Variants in MICU1 observed in about 807,000 individuals in gnomAD.
MICU1 encodes calcium uptake protein 1, mitochondrial.
In MICU1, 45 loss-of-function variants were observed where a neutral mutation model predicts 56.8. The ratio of observed to expected loss-of-function variants is 0.79; its 90% CI spans 0.62 to 1.02. MICU1 has a LOEUF of 1.02. Ranked by LOEUF, MICU1 falls within the 50% of genes least tolerant of loss-of-function variation. The pLI is 0.00. For synonymous variants in MICU1, 186 were observed against 195.1 expected, an observed-to-expected ratio of 0.95 and a Z score of 0.39; for missense variants, 504 against 587.1, an observed-to-expected ratio of 0.86 and a Z score of 1.46.
intron 9 of MICU1, among the ~76,000 whole-genome samples, chr10:72,421,203 A>ATC (rs1258090312): frequency 6.6e-6 from 1 of 151,032 alleles, no homozygotes; most frequent in East Asian, 1.9e-4. Context: ...CTGTTTGTTC[A>ATC]TCTCTCTCTC....
chr10:72,394,963 G>A (rs12767341), intron 10 of MICU1, among the ~76,000 whole-genome samples: 4 of 151,872 alleles, frequency 2.6e-5, no homozygotes, highest in Admixed American at 1.3e-4. Flanking sequence ...GGCAGATCAC[G>A]AGGTCAGGAG....
intron 8 of MICU1, among the ~76,000 whole-genome samples, chr10:72,441,615 C>CTTTTTTTTT (rs71018287): frequency 6.6e-5 from 7 of 105,470 alleles, no homozygotes; most frequent in Non-Finnish European, 1.3e-4. Context: ...TTTAATTTTT[C>CTTTTTTTTT]TTTTTTTTTT....
At chr10:72,437,776 C>G (rs538173836) in intron 8 of MICU1, among the ~76,000 whole-genome samples, 9 of 152,060 alleles carry the variant, frequency 5.9e-5, no homozygotes, top group Non-Finnish European at 1.3e-4. Context: ...GACTTTAAAC[C>G]AACAAAGATC....
chr10:72,561,490 G>A (rs1247436888), intron 3 of MICU1, among the ~76,000 whole-genome samples: 3 of 152,148 alleles, frequency 2.0e-5, no homozygotes, highest in Admixed American at 6.6e-5. Flanking sequence ...ATCAGAAATG[G>A]ATTTGGGTAT....
chr10:72,614,425 A>G lies in MICU1; in HGVS notation c.-2+11585T>C, dbSNP rs1250628039. Among the ~76,000 whole-genome samples the G allele has an allele frequency of 2.6e-5, 4 of 152,348 alleles. No homozygotes were observed. The East Asian group carries it at 7.7e-4, about 29-fold the overall frequency. ...AACCTGAATAGATATTTGTACAGCC[A>G]TGCTCAAAGCAGCATTGTGCACAAC... is the stretch of plus-strand genomic sequence containing the variant. On this transcript the variant is annotated intron_variant, in intron 1 of 11. Transcript: ENST00000361114.
At position 72,475,117 on chromosome 10, in the gene MICU1, C is replaced by T; in HGVS notation, c.916G>A (p.Asp306Asn). The change falls in exon 8 of 12, where the codon GAT (aspartate) becomes AAT (asparagine). Residue 306 changes from aspartate (D) to asparagine (N), a missense_variant. Asp to Asn is a conservative substitution (Grantham distance 23, BLOSUM62 1). Transcript: ENST00000361114. ...AGACCTACCTCAAGCTTCAGAACAT[C>T]ATGCTGCAGTTTACGCTGAAATTCG... ...FLEFQRKLQH[D>N]VLKLEFERHD... 6.2e-7 allele frequency: 1 copy of T among 1,609,734 alleles called. No individual in the cohort carries two copies. The highest frequency in any genetic ancestry group is 8.5e-7 in the Non-Finnish European group (1 of 1,177,980).
intron 8 of MICU1, among the ~76,000 whole-genome samples, chr10:72,462,227 T>A (rs1865659804): frequency 6.6e-6 from 1 of 151,594 alleles, no homozygotes; most frequent in Non-Finnish European, 1.5e-5. Context: ...TTCTTTTTTT[T>A]TTTTTTTGAG....
At position 72,611,935 on chromosome 10, in the gene MICU1, CACAGTGACTGTGAAT is replaced by C. The variant is rs1439832652; in HGVS notation, c.-2+14060_-2+14074del. Reference sequence around the variant, plus strand: ...CCAAGAGTTTGAAGCTACAGTGCTACACAGTGACTGTGAATAGCCACTGCACTCCTGCCTGAGCAA... The same window carrying C: ...CCAAGAGTTTGAAGCTACAGTGCTACAGCCACTGCACTCCTGCCTGAGCAA... On this transcript the variant is annotated intron_variant, in intron 1 of 11. Transcript: ENST00000361114. 4.1e-5 allele frequency among the ~76,000 whole-genome samples: 6 copies of C among 146,514 alleles called. No homozygotes were observed. In the East Asian group the frequency reaches 1.2e-3, roughly 29 times the overall value.
chr10:72,599,867 T>G (rs1160249795), intron 1 of MICU1, among the ~76,000 whole-genome samples: 1 of 152,228 alleles, frequency 6.6e-6, no homozygotes, highest in African/African-American at 2.4e-5. Context: ...TTCATTAGAC[T>G]TTATTAAAGT....
rs186422912 is a variant in MICU1, at chr10:72,474,381, A to T, written c.933+719T>A. Reference sequence around the variant, plus strand: ...ACTAGATTTTTGTCTCCAGACAAAAATACATATAGAAGGCATTTGATCAAT... The same window carrying T: ...ACTAGATTTTTGTCTCCAGACAAAATTACATATAGAAGGCATTTGATCAAT... On this transcript the variant is annotated intron_variant, in intron 8 of 11. Coordinates refer to ENST00000361114, the MANE Select transcript of MICU1 (RefSeq NM_001195518.2). 2.3e-3 allele frequency among the ~76,000 whole-genome samples: 347 copies of T among 152,294 alleles called. 3 individuals are homozygous for T. Among genetic ancestry groups the T allele is most frequent in the African/African-American group, 8.1e-3 (336 of 41,570 alleles).
intron 8 of MICU1, among the ~76,000 whole-genome samples, chr10:72,461,293 T>C (rs1865631848): frequency 6.6e-6 from 1 of 152,164 alleles, no homozygotes; most frequent in South Asian, 2.1e-4. Context: ...TACCGAGTGC[T>C]CTAATGCCTC....
intron 8 of MICU1, among the ~76,000 whole-genome samples, chr10:72,469,317 G>A (rs553401014): frequency 6.6e-6 from 1 of 152,286 alleles, no homozygotes; most frequent in East Asian, 1.9e-4. Flanking sequence ...AAGTTTTAAA[G>A]TAGGTAAATA....
rs545887198 is a variant in MICU1 at position 72,401,926 on chromosome 10, A to C, written c.1180+6003T>G. ...TCTACTTTCTGCTTCTATGAGTTCA[A>C]CTCCACTTAGATTCCATATATAAGT... On this transcript the variant is annotated intron_variant, in intron 10 of 11. Coordinates refer to ENST00000361114, the MANE Select transcript of MICU1 (RefSeq NM_001195518.2). Among the ~76,000 whole-genome samples, 8 of 151,966 alleles carry C rather than the reference A, an allele frequency of 5.3e-5. No homozygotes were observed. In the South Asian group the frequency reaches 1.7e-3, roughly 32 times the overall value.
intron 8 of MICU1, among the ~76,000 whole-genome samples, chr10:72,453,167 C>G (rs1185384187): frequency 6.6e-6 from 1 of 152,162 alleles, no homozygotes; most frequent in Non-Finnish European, 1.5e-5. Context: ...TTTTCTTTGG[C>G]AGAAATTGAA....
chr10:72,616,666 A>C (rs3000962), intron 1 of MICU1, among the ~76,000 whole-genome samples: 87,043 of 149,520 alleles, frequency 0.58, 26,657 homozygotes, highest in Non-Finnish European at 0.67. Context: ...AAAAAAAAAA[A>C]ACACACTATT....
intron 8 of MICU1, among the ~76,000 whole-genome samples, chr10:72,451,863 G>A (rs1483836168): frequency 1.3e-5 from 2 of 151,334 alleles, no homozygotes; most frequent in Non-Finnish European, 3.0e-5. Context: ...ACATTAGTTA[G>A]ATATTTTCTT....
At chr10:72,411,845 T>TAG (rs1863825693) in intron 9 of MICU1, among the ~76,000 whole-genome samples, 1 of 152,192 alleles carries the variant, frequency 6.6e-6, no homozygotes, top group Non-Finnish European at 1.5e-5. Flanking sequence ...TGCTGAGAAT[T>TAG]ATCTGAGGAC....
intron 10 of MICU1, among the ~76,000 whole-genome samples, chr10:72,377,444 A>G (rs1426535661): frequency 1.3e-5 from 2 of 152,150 alleles, no homozygotes; most frequent in African/African-American, 4.8e-5. Flanking sequence ...TTCAGGATGC[A>G]TATCTTTCTT....
chr10:72,384,072 C>G (rs1247013762), intron 10 of MICU1, among the ~76,000 whole-genome samples: 1 of 152,036 alleles, frequency 6.6e-6, no homozygotes, highest in Non-Finnish European at 1.5e-5. Context: ...CAGCTCACCA[C>G]AGCCTCAACA....
Sources: allele counts gnomAD v4.1 joint callset (sites outside exome capture counted in the v4.1 genomes callset), GRCh38; gene constraint gnomAD v4.1.1; transcripts MANE v1.5; gene names NCBI Gene and HGNC (gene_info 2026-07-23, HGNC 2026-07-21).